NBL1: variants seen among roughly 807,000 people sequenced by gnomAD.
NBL1 encodes neuroblastoma suppressor of tumorigenicity 1.
A neutral mutation model predicts 16.0 loss-of-function variants in NBL1; 9 were observed. The observed-to-expected ratio is 0.56, with a 90% CI of 0.34 to 0.98. The LOEUF (loss-of-function observed/expected upper bound fraction) is 0.98, where lower values mean the gene tolerates loss of function less well. Ranked by LOEUF, NBL1 falls within the 50% of genes least tolerant of loss-of-function variation. NBL1 has a pLI of 0.02. For missense variants in NBL1, 196 were observed against 243.1 expected, an observed-to-expected ratio of 0.81 and a Z score of 1.29; for synonymous variants, 86 against 100.7, an observed-to-expected ratio of 0.85 and a Z score of 0.87.
At chr1:19,645,418 C>G in intron 1 of NBL1, 1 of 987,626 alleles carries the variant, frequency 1.0e-6, no homozygotes, top group Non-Finnish European at 1.2e-6. Flanking sequence ...TTGGCGTGGC[C>G]GGAGGTTGGC....
chr1:19,647,460 G>C (rs1333216009), intron 1 of NBL1: 1 of 221,908 alleles, frequency 4.5e-6, no homozygotes, highest in African/African-American at 2.3e-5. Context: ...AGAAAGATTA[G>C]AATGGCTGAG....
chr1:19,650,247 T>C (rs1175703425), intron 1 of NBL1, among the ~76,000 whole-genome samples: 1 of 152,216 alleles, frequency 6.6e-6, no homozygotes, highest in Non-Finnish European at 1.5e-5. Context: ...AATGGCACAT[T>C]TCTCAGAGTG....
At chr1:19,646,643 A>C (rs1443360160) in intron 1 of NBL1, among the ~76,000 whole-genome samples, 1 of 152,186 alleles carries the variant, frequency 6.6e-6, no homozygotes, top group African/African-American at 2.4e-5. Context: ...GCTGCAGCCC[A>C]GCCACCCTCC....
chr1:19,653,727 G>A (rs1392647085), intron 1 of NBL1, among the ~76,000 whole-genome samples: 2 of 152,244 alleles, frequency 1.3e-5, no homozygotes, highest in African/African-American at 4.8e-5. Flanking sequence ...CGAGGGTTTG[G>A]GGGCCTCCTT....
At chr1:19,647,767 G>C in intron 1 of NBL1, 7 of 696,626 alleles carry the variant, frequency 1.0e-5, no homozygotes, top group Non-Finnish European at 1.2e-5. Context: ...GGAGAGCCCT[G>C]CCCTTTCCAC....
At chr1:19,651,423 C>T (rs529872391) in intron 1 of NBL1, among the ~76,000 whole-genome samples, 3 of 152,298 alleles carry the variant, frequency 2.0e-5, no homozygotes, top group South Asian at 4.1e-4. Context: ...TGCCTCAGTT[C>T]GTCTCATTTC....
At chr1:19,643,891 C>T, upstream of NBL1, 1 of 988,806 alleles carries the variant, frequency 1.0e-6, no homozygotes, top group Non-Finnish European at 1.2e-6. The surrounding 1 kb of genome is among the most constrained non-coding windows in gnomAD (Gnocchi z 4.7). Context: ...GCCCGGTGCC[C>T]ACAAAAAGGA....
chr1:19,657,082 G>A lies in NBL1; in HGVS notation c.499G>A (p.Asp167Asn). The A allele has an allele frequency of 6.5e-7, 1 of 1,528,362 alleles. No individual in the cohort carries two copies. The highest frequency in any genetic ancestry group is 8.8e-7 in the Non-Finnish European group (1 of 1,134,128). 94.7% of individuals were successfully genotyped at this position (1,528,362 alleles called of 1,614,324 possible). ...HPGGQTPEPEDPPGAPHTEEE... is the reference protein window; with the variant it reads ...HPGGQTPEPENPPGAPHTEEE... ...TGGCGGGCAGACCCCTGAGCCCGAG[G>A]ACCCCCCTGGGGCCCCCCACACAGA... Residue 167 changes from aspartate to asparagine, a missense_variant, in exon 4 of 4, where the codon GAC becomes AAC. Physicochemically the swap from Asp to Asn is conservative, Grantham distance 23 (BLOSUM62 1). Transcript: ENST00000375136.
At chr1:19,645,807 G>T in intron 1 of NBL1, 1 of 1,450,936 alleles carries the variant, frequency 6.9e-7, no homozygotes, top group Non-Finnish European at 9.1e-7. Context: ...GTTCTGCATC[G>T]GCCAGGGATA....
chr1:19,643,345 G>C, upstream of NBL1: 1 of 1,614,044 alleles, frequency 6.2e-7, no homozygotes. This position sits in a 1 kb window ranked among gnomAD's most constrained non-coding sequence, Gnocchi z 4.7. Context: ...GACAAGCAGG[G>C]CTGTGTCTAT....
upstream of NBL1, chr1:19,644,138 G>GGGCCCCTGCCGCCGC (rs1364757544): frequency 9.2e-6 from 9 of 979,374 alleles, no homozygotes; most frequent in South Asian, 4.7e-5. The surrounding 1 kb of genome is among the most constrained non-coding windows in gnomAD (Gnocchi z 4.6). Context: ...AGAGGGCCCG[G>GGGCCCCTGCCGCCGC]GGCCCCTGCC....
intron 1 of NBL1, chr1:19,646,128 T>G: frequency 7.1e-7 from 1 of 1,400,174 alleles, no homozygotes; most frequent in South Asian, 1.3e-5. Flanking sequence ...GTCGGCCCTG[T>G]GTGTCCGCCC....
At chr1:19,655,986 C>T (rs2095054285) in intron 3 of NBL1, among the ~76,000 whole-genome samples, 2 of 152,292 alleles carry the variant, frequency 1.3e-5, no homozygotes, top group South Asian at 4.1e-4. Context: ...TTCCTCAGGG[C>T]CCCTTTCCAG....
At chr1:19,646,399 A>G (rs1449128907) in intron 1 of NBL1, among the ~76,000 whole-genome samples, 1 of 152,178 alleles carries the variant, frequency 6.6e-6, no homozygotes, top group East Asian at 1.9e-4. Context: ...GCACACAGAA[A>G]GCCAATGTAT....
At chr1:19,656,369 G>T (rs569314855) in intron 3 of NBL1, among the ~76,000 whole-genome samples, 1 of 137,610 alleles carries the variant, frequency 7.3e-6, no homozygotes, top group African/African-American at 2.7e-5. Flanking sequence ...ACCCAAAGGC[G>T]CAGTTTAGGG....
chr1:19,651,031 A>T (rs1894254), intron 1 of NBL1, among the ~76,000 whole-genome samples: 65,114 of 152,072 alleles, frequency 0.43, 14,311 homozygotes, highest in Non-Finnish European at 0.45. Flanking sequence ...AAGAGAGCTG[A>T]CCTTAGTGGG....
chr1:19,655,391 G>T lies in NBL1; in HGVS notation c.238G>T (p.Val80Phe). ...NTFPQSTESL[V>F]HCDSCMPAQS... Reference sequence around the variant, plus strand: ...CTTCCCACAGTCCACAGAGTCCCTGGTTCACTGTGACTCCTGCATGCCAGC... The same window carrying T: ...CTTCCCACAGTCCACAGAGTCCCTGTTTCACTGTGACTCCTGCATGCCAGC... Residue 80 changes from valine to phenylalanine, a missense_variant, in exon 3 of 4, where the codon GTT becomes TTT. Coordinates refer to ENST00000375136, the MANE Select transcript of NBL1 (RefSeq NM_005380.8). 1 of 1,614,106 alleles carries T rather than the reference G, an allele frequency of 6.2e-7. No homozygotes were observed. Among genetic ancestry groups the T allele is most frequent in the South Asian group, 1.1e-5 (1 of 91,074 alleles).
chr1:19,650,212 C>G (rs886503821), intron 1 of NBL1, among the ~76,000 whole-genome samples: 3 of 152,170 alleles, frequency 2.0e-5, no homozygotes, highest in Admixed American at 1.3e-4. Flanking sequence ...CTAGACTATT[C>G]AGGTTTGAGT....
In NBL1 at chr1:19,656,811, T is replaced by A; in HGVS notation, c.283-55T>A. On this transcript the variant is annotated intron_variant, in intron 3 of 3. Coordinates refer to ENST00000375136, the MANE Select transcript of NBL1 (RefSeq NM_005380.8). ...AGGAAGTATTACCCTAGGGGCTGCCTTGCCTGCCCCAGACCTTTGGGAACA... is the reference window on the plus strand; with the variant it reads ...AGGAAGTATTACCCTAGGGGCTGCCATGCCTGCCCCAGACCTTTGGGAACA... 3 of 1,549,204 alleles carry A rather than the reference T, an allele frequency of 1.9e-6. No individual in the cohort carries two copies. In the Middle Eastern group the frequency reaches 5.2e-4, roughly 268 times the overall value.
Sources: gnomAD v4.1 joint callset for allele counts (sites outside exome capture counted in the v4.1 genomes callset) on GRCh38, gnomAD v4.1.1 for gene constraint, Gnocchi (gnomAD v3.1) non-coding constraint, MANE v1.5 for transcripts, NCBI Gene and HGNC (gene_info 2026-07-23, HGNC 2026-07-21) for gene names.